The following COX7B2 variants were observed in gnomAD, a reference collection of about 807,000 sequenced individuals.
COX7B2 encodes the protein cytochrome c oxidase subunit 7B2, mitochondrial.
For missense variants in COX7B2, 109 were observed against 95.9 expected, an observed-to-expected ratio of 1.14 and a Z score of -0.57; for synonymous variants, 37 against 32.1, an observed-to-expected ratio of 1.15 and a Z score of -0.51.
chr4:46,885,710 T>A (rs1353802558), intron 1 of COX7B2, among the ~76,000 whole-genome samples: 4 of 152,158 alleles, frequency 2.6e-5, no homozygotes, highest in East Asian at 1.9e-4. Flanking sequence ...CCAGGTGGGT[T>A]TTTTTCTCAT....
chr4:46,826,887 G>A (rs1249229087), intron 2 of COX7B2, among the ~76,000 whole-genome samples: 3 of 151,838 alleles, frequency 2.0e-5, no homozygotes, highest in Non-Finnish European at 2.9e-5. Flanking sequence ...GGAGGGAGAG[G>A]AGCAGAAAAA....
chr4:46,857,530 T>A (rs1717072809), intron 1 of COX7B2, among the ~76,000 whole-genome samples: 1 of 152,170 alleles, frequency 6.6e-6, no homozygotes, highest in African/African-American at 2.4e-5. Flanking sequence ...GGGAGTGTAT[T>A]AAATAAAGCC....
chr4:46,739,061 A>G (rs1714544962), intron 2 of COX7B2, among the ~76,000 whole-genome samples: 1 of 152,116 alleles, frequency 6.6e-6, no homozygotes, highest in African/African-American at 2.4e-5. Context: ...CAAATCGCTG[A>G]AGGCTATCAA....
intron 2 of COX7B2, among the ~76,000 whole-genome samples, chr4:46,784,910 T>C: frequency 6.6e-6 from 1 of 152,272 alleles, no homozygotes; most frequent in East Asian, 1.9e-4. Flanking sequence ...CATATTTCAC[T>C]TCACAACAAA....
At chr4:46,895,283 T>A (rs139035822) in intron 1 of COX7B2, among the ~76,000 whole-genome samples, 7 of 152,150 alleles carry the variant, frequency 4.6e-5, no homozygotes, top group African/African-American at 1.2e-4. Flanking sequence ...GTGGTACATA[T>A]ACACCACAGA....
At chr4:46,798,036 T>C (rs1022892265) in intron 2 of COX7B2, among the ~76,000 whole-genome samples, 9 of 152,332 alleles carry the variant, frequency 5.9e-5, no homozygotes, top group Admixed American at 5.2e-4. Flanking sequence ...CAAGCTTTCA[T>C]GCTTGTCTAT....
intron 1 of COX7B2, chr4:46,903,766 C>A (rs1213783854): frequency 6.6e-6 from 1 of 152,186 alleles, no homozygotes; most frequent in African/African-American, 2.4e-5. Context: ...CTGTACAGGT[C>A]GGTAGCCTAG....
chr4:46,792,500 C>T (rs990891396), intron 2 of COX7B2, among the ~76,000 whole-genome samples: 8 of 152,166 alleles, frequency 5.3e-5, no homozygotes, highest in Admixed American at 3.9e-4. Context: ...CTCTTTCTCT[C>T]TCTCCCCCTG....
intron 2 of COX7B2, among the ~76,000 whole-genome samples, chr4:46,817,643 T>A (rs1326113189): frequency 3.9e-5 from 6 of 152,204 alleles, no homozygotes; most frequent in African/African-American, 1.4e-4. Flanking sequence ...CTTTCTCAAA[T>A]ACTCTTCCCT....
chr4:46,890,733 T>C (rs1398582427), intron 1 of COX7B2, among the ~76,000 whole-genome samples: 1 of 152,202 alleles, frequency 6.6e-6, no homozygotes, highest in Non-Finnish European at 1.5e-5. Flanking sequence ...AGGAGTGTTC[T>C]TAAAGTATTG....
chr4:46,734,986 A>C lies in COX7B2; in HGVS notation c.207T>G (p.Pro69=). Residue 69 remains proline, a synonymous_variant, in exon 3 of 3, where the codon CCT becomes CCG. Coordinates refer to ENST00000355591, the MANE Select transcript of COX7B2 (RefSeq NM_130902.3). ...ACTCTTTTGGGGTAACTCTGCCAAC[A>C]GGGGATAGGTTCCATTCTATTCCAA... ...TQIGIEWNLS[P]VGRVTPKEWK... 2 of 1,613,840 alleles carry C rather than the reference A, an allele frequency of 1.2e-6. No individual in the cohort carries two copies. The highest frequency in any genetic ancestry group is 1.7e-6 in the Non-Finnish European group (2 of 1,179,766).
intron 1 of COX7B2, among the ~76,000 whole-genome samples, chr4:46,891,555 CA>C (rs1228381768): frequency 6.6e-6 from 1 of 152,124 alleles, no homozygotes; most frequent in Non-Finnish European, 1.5e-5. Flanking sequence ...TTAAAGTTTC[CA>C]TGTCTTGTTT....
chr4:46,766,658 G>C (rs1716556309), intron 2 of COX7B2, among the ~76,000 whole-genome samples: 3 of 146,950 alleles, frequency 2.0e-5, no homozygotes, highest in Admixed American at 1.4e-4. Context: ...TTGAGATTAT[G>C]CCACTGCACT....
Position 46,808,107 on chromosome 4 carries a change from T to C in COX7B2, c.-50+36853A>G, listed in dbSNP as rs938370577. ...GGATTGTGTTAAATTTGCATATGAC[T>C]TTCTGTACTATGAATATTTCAACAA... On this transcript the variant is annotated intron_variant, in intron 2 of 2. Transcript: ENST00000355591. 3.9e-4 allele frequency among the ~76,000 whole-genome samples: 60 copies of C among 151,986 alleles called. 1 individual carries two copies. Among genetic ancestry groups the C allele is most frequent in the African/African-American group, 1.3e-3 (55 of 41,574 alleles).
intron 2 of COX7B2, among the ~76,000 whole-genome samples, chr4:46,766,890 C>T (rs1274153134): frequency 6.6e-6 from 1 of 151,956 alleles, no homozygotes; most frequent in African/African-American, 2.4e-5. Context: ...AGAATCAAAG[C>T]CTACTACCAC....
intron 2 of COX7B2, among the ~76,000 whole-genome samples, chr4:46,785,440 C>A (rs1032821633): frequency 8.6e-5 from 13 of 150,864 alleles, no homozygotes; most frequent in Non-Finnish European, 1.0e-4. Context: ...GTGGCACAAT[C>A]TCAGCTCACT....
At position 46,742,527 on chromosome 4, in the gene COX7B2, G is replaced by T. The variant is rs139666357; in HGVS notation, c.-49-7286C>A. On this transcript the variant is annotated intron_variant, in intron 2 of 2. Coordinates refer to ENST00000355591, the MANE Select transcript of COX7B2 (RefSeq NM_130902.3). ...TGGGAACTCTGAAAGAAGCAATGCC[G>T]CTGGTAAAAATGCTGAACAATGGTT... Among the ~76,000 whole-genome samples, 434 of 152,214 alleles carry T rather than the reference G, an allele frequency of 2.9e-3. 2 individuals are homozygous for T. Among genetic ancestry groups the T allele is most frequent in the African/African-American group, 0.01 (419 of 41,552 alleles).
intron 2 of COX7B2, among the ~76,000 whole-genome samples, chr4:46,812,017 T>A (rs1719309982): frequency 6.6e-6 from 1 of 151,864 alleles, no homozygotes; most frequent in Non-Finnish European, 1.5e-5. Context: ...CAGTGGGGAG[T>A]CTTAGCTGGG....
At chr4:46,831,455 G>A (rs911144257) in intron 2 of COX7B2, among the ~76,000 whole-genome samples, 8 of 152,230 alleles carry the variant, frequency 5.3e-5, no homozygotes, top group Non-Finnish European at 1.2e-4. Flanking sequence ...GGGACTGGCA[G>A]GCAGCTCCAC....
Sources: allele counts gnomAD v4.1 joint callset (sites outside exome capture counted in the v4.1 genomes callset), GRCh38; gene constraint gnomAD v4.1.1; transcripts MANE v1.5; gene names NCBI Gene and HGNC (gene_info 2026-07-23, HGNC 2026-07-21).